Variants in MAGI2 observed in about 807,000 individuals in gnomAD.
The protein encoded by MAGI2 is membrane associated guanylate kinase, WW and PDZ domain containing 2.
MAGI2 carries 35 observed loss-of-function variants against 133.3 expected under a neutral mutation model. That is an observed-to-expected ratio of 0.26 (90% CI 0.20 to 0.35). The LOEUF is 0.35. Ranked by LOEUF, MAGI2 falls within the 10% of genes least tolerant of loss-of-function variation. The pLI, the probability that MAGI2 is intolerant of heterozygous loss-of-function variation, is 1.00. For synonymous variants in MAGI2, 729 were observed against 710.6 expected (o/e 1.03, Z -0.41); for missense variants, 1,636 against 1,863.4 (o/e 0.88, Z 2.25).
At chr7:78,441,151 T>A (rs1787583734) in intron 6 of MAGI2, among the ~76,000 whole-genome samples, 1 of 152,194 alleles carries the variant, frequency 6.6e-6, no homozygotes, top group African/African-American at 2.4e-5. Context: ...ACATTCAAGA[T>A]CCTGCACAAT....
At chr7:78,299,142 A>AATT (rs1358187922) in intron 9 of MAGI2, among the ~76,000 whole-genome samples, 1 of 152,148 alleles carries the variant, frequency 6.6e-6, no homozygotes, top group Non-Finnish European at 1.5e-5. Context: ...ATAAAAAGTT[A>AATT]ATTTTTAAAA....
intron 2 of MAGI2, among the ~76,000 whole-genome samples, chr7:78,704,425 A>G (rs1818394261): frequency 6.6e-6 from 1 of 152,110 alleles, no homozygotes; most frequent in Non-Finnish European, 1.5e-5. Context: ...ATAACACGCT[A>G]GTGAAGTTGT....
At chr7:78,243,267 ACACTCTCTCTCT>A (rs1341500213) in intron 10 of MAGI2, among the ~76,000 whole-genome samples, 313 of 68,284 alleles carry the variant, frequency 4.6e-3, no homozygotes, top group African/African-American at 0.019. Context: ...ACACACACAC[ACACTCTCTCTCT>A]CTCTCTCTTA....
At chr7:78,585,797 G>C (rs1400581139) in intron 3 of MAGI2, among the ~76,000 whole-genome samples, 1 of 152,212 alleles carries the variant, frequency 6.6e-6, no homozygotes, top group Non-Finnish European at 1.5e-5. Context: ...ATACATGAAA[G>C]GGAACTGAGA....
chr7:78,613,068 A>G (rs1223954975), intron 3 of MAGI2, among the ~76,000 whole-genome samples: 1 of 152,184 alleles, frequency 6.6e-6, no homozygotes, highest in Non-Finnish European at 1.5e-5. Flanking sequence ...ATTCACACAA[A>G]CTTCAGGCAA....
At chr7:78,391,488 A>G (rs17415846) in intron 6 of MAGI2, among the ~76,000 whole-genome samples, 46,770 of 152,112 alleles carry the variant, frequency 0.31, 7,778 homozygotes, top group Middle Eastern at 0.43. Flanking sequence ...CTCAAAAAGT[A>G]CTGCTTTTGA....
intron 9 of MAGI2, among the ~76,000 whole-genome samples, chr7:78,268,828 C>CA (rs1794275470): frequency 6.6e-6 from 1 of 152,064 alleles, no homozygotes; most frequent in Non-Finnish European, 1.5e-5. Flanking sequence ...GGTACATGTG[C>CA]AGAATGTGCA....
chr7:78,047,103 T>C (rs1811514397), intron 21 of MAGI2, among the ~76,000 whole-genome samples: 1 of 152,220 alleles, frequency 6.6e-6, no homozygotes, highest in Admixed American at 6.5e-5. Context: ...CTAGACAGAA[T>C]GAGCACTTCT....
chr7:78,617,474 A>G (rs1807232582), intron 3 of MAGI2: 3 of 152,072 alleles, frequency 2.0e-5, no homozygotes, highest in Admixed American at 1.3e-4. Flanking sequence ...CGGATCTAAG[A>G]GAACTATTAG....
intron 1 of MAGI2, among the ~76,000 whole-genome samples, chr7:79,309,948 T>G (rs1308399040): frequency 9.8e-6 from 1 of 101,862 alleles, no homozygotes; most frequent in South Asian, 3.1e-4. Flanking sequence ...CTGGACAACA[T>G]AGGGAAACCT....
chr7:78,017,704 C>T lies in MAGI2; in HGVS notation c.*1611G>A, dbSNP rs1456208696. 1.3e-5 allele frequency: 2 copies of T among 152,682 alleles called. No individual in the cohort carries two copies. Among genetic ancestry groups the T allele is most frequent in the Non-Finnish European group, 2.9e-5 (2 of 68,050 alleles). The allele number at this position is 152,682 out of a possible 1,614,324, so 9.5% of individuals were successfully genotyped here. On this transcript the variant is annotated 3_prime_UTR_variant, in exon 22 of 22. Transcript: ENST00000354212. ...GCCTTATTCTCCTCCTGTCAAACAA[C>T]TAAACTACTCCGATGTTTGATGAAA...
chr7:78,302,095 A>G (rs146774130), intron 9 of MAGI2, among the ~76,000 whole-genome samples: 13 of 152,296 alleles, frequency 8.5e-5, no homozygotes, highest in African/African-American at 2.9e-4. Flanking sequence ...TTATATTTTG[A>G]TCATTATTGT....
At chr7:79,398,662 A>T (rs932313009) in intron 1 of MAGI2, among the ~76,000 whole-genome samples, 2 of 152,188 alleles carry the variant, frequency 1.3e-5, no homozygotes, top group African/African-American at 4.8e-5. Context: ...CACCAGCAAA[A>T]TCCCACCCAT....
intron 21 of MAGI2, among the ~76,000 whole-genome samples, chr7:78,054,589 C>CT (rs3972364): frequency 0.11 from 15,084 of 141,724 alleles, 806 homozygotes; most frequent in African/African-American, 0.13. Flanking sequence ...CATAGGCATA[C>CT]TTTTTTTTTT....
rs139490549 is a variant in MAGI2 at position 78,347,791 on chromosome 7, C to T, written c.1104-1748G>A. Among the ~76,000 whole-genome samples, 99 of 152,226 alleles carry T rather than the reference C, an allele frequency of 6.5e-4. 1 individual carries two copies. The highest frequency in any genetic ancestry group is 1.3e-3 in the Non-Finnish European group (91 of 68,014). ...CATTTGTAAGAGGTTCAAAGTACAA[C>T]CATCTATGTAAAATTATTTTCCCAC... On this transcript the variant is annotated intron_variant, in intron 7 of 21. Coordinates refer to ENST00000354212, the MANE Select transcript of MAGI2 (RefSeq NM_012301.4).
intron 1 of MAGI2, among the ~76,000 whole-genome samples, chr7:79,341,506 T>C (rs765561382): frequency 2.0e-5 from 3 of 152,154 alleles, no homozygotes; most frequent in Non-Finnish European, 4.4e-5. Flanking sequence ...GGTTAATATC[T>C]GCACTCAGAA....
At chr7:78,258,765 T>C (rs1287632710) in intron 9 of MAGI2, among the ~76,000 whole-genome samples, 1 of 152,214 alleles carries the variant, frequency 6.6e-6, no homozygotes, top group Non-Finnish European at 1.5e-5. Context: ...CTTGTGCCTC[T>C]AGTTGATTAG....
intron 2 of MAGI2, among the ~76,000 whole-genome samples, chr7:78,991,103 T>TA (rs1805725818): frequency 6.6e-6 from 1 of 151,890 alleles, no homozygotes; most frequent in South Asian, 2.1e-4. Flanking sequence ...TCTGATGATT[T>TA]AAAAGTGTGG....
intron 2 of MAGI2, among the ~76,000 whole-genome samples, chr7:78,782,710 A>T (rs1826494701): frequency 6.6e-6 from 1 of 152,132 alleles, no homozygotes. Context: ...TGTGTCACAT[A>T]CAGACTGCCT....
Sources: allele counts gnomAD v4.1 joint callset (sites outside exome capture counted in the v4.1 genomes callset), GRCh38; gene constraint gnomAD v4.1.1; transcripts MANE v1.5; gene names NCBI Gene and HGNC (gene_info 2026-07-23, HGNC 2026-07-21).